FAM135A: variants seen among roughly 807,000 people sequenced by gnomAD.
FAM135A encodes family with sequence similarity 135 member A.
In FAM135A, 79 loss-of-function variants were observed where a neutral mutation model predicts 146.8. The observed-to-expected ratio is 0.54, with a 90% CI of 0.45 to 0.65. FAM135A has a LOEUF of 0.65. Ranked by LOEUF, FAM135A falls within the 30% of genes least tolerant of loss-of-function variation. The probability of loss-of-function intolerance (pLI) is 0.00; values close to 1 mark genes in which losing one functional copy is unlikely to be tolerated. For synonymous variants in FAM135A, 562 were observed against 603.6 expected, an observed-to-expected ratio of 0.93 and a Z score of 1.01; for missense variants, 1,623 against 1,758.2, an observed-to-expected ratio of 0.92 and a Z score of 1.38.
In FAM135A at chr6:70,428,307, C is replaced by T; in HGVS notation, c.-36C>T. ...TTTTTCCCTTTCCTTAACAAAGGTG[C>T]TGTTATCAGAATAGTCTTCTGGGTA... On this transcript the variant is annotated 5_prime_UTR_variant, in exon 4 of 22. Transcript: ENST00000418814. 1.4e-6 allele frequency: 2 copies of T among 1,429,130 alleles called. No homozygotes were observed. Among genetic ancestry groups the T allele is most frequent in the Non-Finnish European group, 1.9e-6 (2 of 1,053,162 alleles). The allele number at this position is 1,429,130 out of a possible 1,614,324, so 88.5% of individuals were successfully genotyped here.
chr6:70,483,181 C>A (rs1423587964), intron 10 of FAM135A, among the ~76,000 whole-genome samples: 1 of 152,116 alleles, frequency 6.6e-6, no homozygotes, highest in East Asian at 1.9e-4. Context: ...TGAGAAAATG[C>A]TGGCTATTGT....
intron 4 of FAM135A, 76 bp from the exon 5 acceptor site, chr6:70,452,416 A>G: frequency 9.6e-7 from 1 of 1,040,350 alleles, no homozygotes; most frequent in Non-Finnish European, 1.4e-6. Context: ...TTTAATATGG[A>G]TACAAATGTG....
chr6:70,507,607 G>T (rs183704230), intron 12 of FAM135A, among the ~76,000 whole-genome samples: 2 of 152,128 alleles, frequency 1.3e-5, no homozygotes, highest in East Asian at 1.9e-4. Flanking sequence ...TTTTATACTG[G>T]TTCAACTATA....
intron 11 of FAM135A, among the ~76,000 whole-genome samples, chr6:70,493,775 G>A (rs894046986): frequency 5.9e-5 from 9 of 152,050 alleles, no homozygotes; most frequent in Admixed American, 2.0e-4. Flanking sequence ...GTTTTTGGCC[G>A]GGTGCGGTGG....
intron 16 of FAM135A, among the ~76,000 whole-genome samples, chr6:70,532,134 C>T (rs1795944912): frequency 6.6e-6 from 1 of 152,038 alleles, no homozygotes; most frequent in Non-Finnish European, 1.5e-5. Context: ...CCACAGCCTC[C>T]TAAAGTGCTG....
At chr6:70,416,382 T>C (rs115613283) in intron 2 of FAM135A, among the ~76,000 whole-genome samples, 122 of 152,368 alleles carry the variant, frequency 8.0e-4, no homozygotes, top group African/African-American at 2.8e-3. Flanking sequence ...TTCTGTTTTA[T>C]ATTTTTATTT....
chr6:70,460,446 CCTG>C (rs1779212933), intron 5 of FAM135A, among the ~76,000 whole-genome samples: 1 of 152,124 alleles, frequency 6.6e-6, no homozygotes, highest in Admixed American at 6.5e-5. Flanking sequence ...ACATTCATAT[CCTG>C]TTTTGTAACT....
intron 20 of FAM135A, among the ~76,000 whole-genome samples, chr6:70,546,978 A>C (rs1798970279): frequency 6.6e-6 from 1 of 152,216 alleles, no homozygotes; most frequent in Non-Finnish European, 1.5e-5. Flanking sequence ...TTACTAAAGC[A>C]GAGAGAGGAA....
chr6:70,497,915 A>G (rs1214477300), intron 11 of FAM135A, among the ~76,000 whole-genome samples: 1 of 152,096 alleles, frequency 6.6e-6, no homozygotes, highest in African/African-American at 2.4e-5. Context: ...TGTTCATCAG[A>G]GATATTGACT....
intron 4 of FAM135A, among the ~76,000 whole-genome samples, chr6:70,435,352 T>C (rs1772827494): frequency 6.6e-6 from 1 of 151,790 alleles, no homozygotes; most frequent in South Asian, 2.1e-4. Context: ...TGATCCGCCC[T>C]CCTCGGCCTC....
At chr6:70,488,469 C>T (rs764895410) in intron 10 of FAM135A, among the ~76,000 whole-genome samples, 3,055 of 150,278 alleles carry the variant, frequency 0.02, 58 homozygotes, top group Non-Finnish European at 0.029. Flanking sequence ...AGCCAAGCCC[C>T]CCCCCCCAGA....
At chr6:70,455,665 T>G (rs918432326) in intron 5 of FAM135A, among the ~76,000 whole-genome samples, 5 of 152,148 alleles carry the variant, frequency 3.3e-5, no homozygotes, top group Non-Finnish European at 1.5e-5. Flanking sequence ...AGCTCAGTTT[T>G]TTCTCCTGAA....
Position 70,525,094 on chromosome 6 carries a change from G to A in FAM135A, c.2010G>A (p.Glu670=), listed in dbSNP as rs370598178. The change falls in exon 15 of 22, where the codon GAG becomes GAA. Residue 670 remains glutamate, a synonymous_variant. Coordinates refer to ENST00000418814, the MANE Select transcript of FAM135A (RefSeq NM_001162529.3). ...GTAATAAAGATCCTTTCAGTGGAGA[G>A]AATATAACTGTCAAACTAGGACCTT... is the stretch of plus-strand genomic sequence containing the variant. ...KPSNKDPFSG[E]NITVKLGPWT... The A allele has an allele frequency of 4.5e-6, 7 of 1,567,952 alleles. No homozygotes were observed. In the African/African-American group the frequency reaches 9.6e-5, roughly 22 times the overall value.
intron 13 of FAM135A, 71 bp downstream of exon 13, chr6:70,522,657 T>A: frequency 8.1e-7 from 1 of 1,229,102 alleles, no homozygotes; most frequent in Non-Finnish European, 1.2e-6. Context: ...TCAGAATTTA[T>A]CAGTGACAGA....
intron 10 of FAM135A, among the ~76,000 whole-genome samples, chr6:70,483,447 A>G (rs1168641832): frequency 1.3e-5 from 2 of 152,306 alleles, no homozygotes; most frequent in African/African-American, 2.4e-5. Flanking sequence ...ATTCTCTGAA[A>G]CAGTCTCTAT....
At chr6:70,446,281 A>G (rs894293747) in intron 4 of FAM135A, among the ~76,000 whole-genome samples, 2 of 152,164 alleles carry the variant, frequency 1.3e-5, no homozygotes, top group Non-Finnish European at 2.9e-5. Flanking sequence ...AACAGGCCAT[A>G]TCATTTGAGG....
chr6:70,429,664 T>G (rs560240447), intron 4 of FAM135A, among the ~76,000 whole-genome samples: 1 of 152,268 alleles, frequency 6.6e-6, no homozygotes, highest in African/African-American at 2.4e-5. Context: ...CACTAGGGAT[T>G]TGGGTAACCA....
rs1299716807 is a variant in FAM135A, at chr6:70,524,738, C to T, written c.1654C>T (p.Pro552Ser). The T allele has an allele frequency of 1.3e-6, 2 of 1,548,994 alleles. No individual in the cohort carries two copies. Among genetic ancestry groups the T allele is most frequent in the Non-Finnish European group, 1.7e-6 (2 of 1,146,216 alleles). Residue 552 changes from proline to serine, a missense_variant, in exon 15 of 22, where the codon CCC becomes TCC. This residue lies in a region of FAM135A where 1,061 missense variants were observed against 1,113.8 expected (regional missense o/e 0.95). Transcript: ENST00000418814. ...ACATAGTCAGAAGGAAGGTCTGGAT[C>T]CCACAATATGTGGATATAATTTTGA... The part of the protein sequence containing the change: ...PSHSQKEGLD[P>S]TICGYNFDPK...
chr6:70,556,773 G>T lies in FAM135A; in HGVS notation c.4252G>T (p.Val1418Leu), dbSNP rs749340006. The change falls in exon 21 of 22, where the codon GTG (valine) becomes TTG (leucine). Residue 1418 changes from valine (V) to leucine (L), a missense_variant. Around this residue, in one of 7 missense-constraint regions of FAM135A, gnomAD observed 138 missense variants for 174.1 expected, o/e 0.79. Coordinates refer to ENST00000418814, the MANE Select transcript of FAM135A (RefSeq NM_001162529.3). Reference protein sequence around the residue: ...KAGLHYFKNVVLVGSLQDRYV... With the variant: ...KAGLHYFKNVLLVGSLQDRYV... ...AGGGCTTCATTATTTCAAAAATGTTGTGCTAGTGGGATCCCTACAGGATCG... is the reference window on the plus strand; with the variant it reads ...AGGGCTTCATTATTTCAAAAATGTTTTGCTAGTGGGATCCCTACAGGATCG... The T allele has an allele frequency of 8.7e-6, 14 of 1,611,102 alleles. No homozygotes were observed. Among genetic ancestry groups the T allele is most frequent in the Admixed American group, 8.4e-5 (5 of 59,434 alleles).
Sources: allele counts gnomAD v4.1 joint callset (sites outside exome capture counted in the v4.1 genomes callset), GRCh38; gene constraint gnomAD v4.1.1; regional missense constraint gnomAD v4.1.1; transcripts MANE v1.5; gene names NCBI Gene and HGNC (gene_info 2026-07-23, HGNC 2026-07-21).